EAPP: variants seen among roughly 807,000 people sequenced by gnomAD.
EAPP encodes E2F-associated phosphoprotein.
A neutral mutation model predicts 34.3 loss-of-function variants in EAPP; 38 were observed. The observed-to-expected ratio is 1.11, with a 90% CI of 0.85 to 1.45. EAPP has a LOEUF of 1.45. Ranked by LOEUF, EAPP falls within the 40% of genes most tolerant of loss-of-function variation. The pLI is 0.00. For synonymous variants in EAPP, 113 were observed against 117.6 expected, an observed-to-expected ratio of 0.96 and a Z score of 0.25; for missense variants, 338 against 343.7, an observed-to-expected ratio of 0.98 and a Z score of 0.13.
chr14:34,532,347 T>TACTCAAG, intron 3 of EAPP, among the ~76,000 whole-genome samples: 1 of 151,766 alleles, frequency 6.6e-6, no homozygotes, highest in Non-Finnish European at 1.5e-5. Context: ...TAAACCCAGC[T>TACTCAAG]ACTCAAGAGG....
intron 4 of EAPP, among the ~76,000 whole-genome samples, chr14:34,525,396 G>GTAGTATGTACTCTTGA (rs368261723): frequency 0.016 from 2,392 of 152,200 alleles, 65 homozygotes; most frequent in African/African-American, 0.054. Flanking sequence ...ACTCAGGTTG[G>GTAGTATGTACTCTTGA]TAGTATGTAC....
At position 34,537,604 on chromosome 14, in the gene EAPP, A is replaced by G. The variant is rs140744699; in HGVS notation, c.75-1329T>C. Among the ~76,000 whole-genome samples, 16 of 152,328 alleles carry G rather than the reference A, an allele frequency of 1.1e-4. No individual in the cohort carries two copies. The East Asian group carries it at 2.9e-3, about 27-fold the overall frequency. ...GAACAACAACCTTGAGGAATGAGAT[A>G]ATGTCTCCTTCCAGGACAAAGAGCA... On this transcript the variant is annotated intron_variant, in intron 1 of 5. Coordinates refer to ENST00000250454, the MANE Select transcript of EAPP (RefSeq NM_018453.4).
intron 3 of EAPP, among the ~76,000 whole-genome samples, chr14:34,531,399 G>A (rs796263929): frequency 2.6e-5 from 4 of 151,556 alleles, no homozygotes; most frequent in African/African-American, 4.9e-5. Flanking sequence ...TCAGGAGATC[G>A]AGACCATCCT....
At chr14:34,523,059 T>C (rs896991880) in intron 5 of EAPP, among the ~76,000 whole-genome samples, 4 of 152,088 alleles carry the variant, frequency 2.6e-5, no homozygotes, top group African/African-American at 9.7e-5. Context: ...AACAATTCTC[T>C]TACTGTCTGC....
rs33982261 is a variant in EAPP, at chr14:34,528,045, AT to A, written c.470+1312del. 1.3e-3 allele frequency among the ~76,000 whole-genome samples: 187 copies of A among 142,422 alleles called. 1 individual carries two copies. Among genetic ancestry groups the A allele is most frequent in the African/African-American group, 4.1e-3 (159 of 38,444 alleles). The allele number at this position is 142,422 out of a possible 152,430, so 93.4% of individuals were successfully genotyped here. ...GTGTACCTAGAGTAGCCTCATCTCA[AT>A]TTTTTTTTTTTTTTTGAGACAGTCT... On this transcript the variant is annotated intron_variant, in intron 4 of 5. Transcript: ENST00000250454.
chr14:34,526,607 C>T (rs138024333), intron 4 of EAPP, among the ~76,000 whole-genome samples: 1,531 of 148,406 alleles, frequency 0.01, 46 homozygotes, highest in Admixed American at 0.05. Context: ...AAGCATAAAC[C>T]GGGCATGGTG....
chr14:34,539,488 G>C, intron 1 of EAPP, 67 bp downstream of exon 1: 1 of 1,533,218 alleles, frequency 6.5e-7, no homozygotes, highest in Non-Finnish European at 8.9e-7. Flanking sequence ...CAGGCGCAAC[G>C]AATGGAGGCG....
intron 3 of EAPP, among the ~76,000 whole-genome samples, chr14:34,531,851 T>C (rs1282871159): frequency 1.3e-5 from 2 of 151,354 alleles, no homozygotes; most frequent in Non-Finnish European, 2.9e-5. Flanking sequence ...CCGAGGTGGG[T>C]GGATCACAAG....
chr14:34,531,524 C>A (rs1030383744), intron 3 of EAPP, among the ~76,000 whole-genome samples: 2 of 151,954 alleles, frequency 1.3e-5, no homozygotes, highest in Non-Finnish European at 2.9e-5. Flanking sequence ...ATGGTGTGAA[C>A]CCAGGAGGCA....
chr14:34,520,405 T>C (rs903593219), intron 5 of EAPP, among the ~76,000 whole-genome samples: 5 of 151,710 alleles, frequency 3.3e-5, no homozygotes, highest in Non-Finnish European at 7.4e-5. Flanking sequence ...AGACAGAGTT[T>C]CACCATGTTG....
At chr14:34,521,244 C>T (rs958987767) in intron 5 of EAPP, among the ~76,000 whole-genome samples, 3 of 150,920 alleles carry the variant, frequency 2.0e-5, no homozygotes, top group African/African-American at 7.3e-5. Context: ...AATTTGATTA[C>T]ATTTTTAGTA....
chr14:34,531,458 C>A (rs918068393), intron 3 of EAPP, among the ~76,000 whole-genome samples: 9 of 151,706 alleles, frequency 5.9e-5, no homozygotes, highest in Non-Finnish European at 1.5e-5. Context: ...AAAATTTAGC[C>A]GGGCGTGGTG....
intron 4 of EAPP, among the ~76,000 whole-genome samples, chr14:34,528,483 G>A (rs570502958): frequency 1.7e-4 from 22 of 130,548 alleles, no homozygotes; most frequent in Middle Eastern, 6.0e-3. Context: ...GTGGAGTGGC[G>A]TGATCTCAGC....
Position 34,536,113 on chromosome 14 carries a change from C to CT in EAPP, c.236dup (p.Leu80ValfsTer25), listed in dbSNP as rs761217728. 41 of 1,610,276 alleles carry CT rather than the reference C, an allele frequency of 2.5e-5. No individual in the cohort carries two copies. The highest frequency in any genetic ancestry group is 3.5e-5 in the Non-Finnish European group (41 of 1,178,928). On this transcript the variant is annotated frameshift_variant, in exon 2 of 6. Coordinates refer to ENST00000250454, the MANE Select transcript of EAPP (RefSeq NM_018453.4). LOFTEE classifies it high-confidence loss of function. ...GTTTACCAGTTCCCAGAGAGGATAACTTGTCCTCCATTGTTTTCATGGTAG... is the reference window on the plus strand; with the variant it reads ...GTTTACCAGTTCCCAGAGAGGATAACTTTGTCCTCCATTGTTTTCATGGTAG...
At chr14:34,530,603 G>C (rs1382671753) in intron 3 of EAPP, among the ~76,000 whole-genome samples, 1 of 151,820 alleles carries the variant, frequency 6.6e-6, no homozygotes, top group South Asian at 2.1e-4. Flanking sequence ...AATGACAGAG[G>C]AGGCAAAAAT....
chr14:34,525,833 C>T (rs1041666877), intron 4 of EAPP, among the ~76,000 whole-genome samples: 2 of 151,634 alleles, frequency 1.3e-5, no homozygotes, highest in African/African-American at 4.8e-5. Context: ...TCCTGGCCAA[C>T]ATGGTGAAAC....
chr14:34,517,824 G>A (rs972212690), intron 5 of EAPP, among the ~76,000 whole-genome samples: 4 of 150,872 alleles, frequency 2.7e-5, no homozygotes, highest in African/African-American at 9.7e-5. Flanking sequence ...ACCCAGGCTG[G>A]AGTGCAATGG....
At chr14:34,516,862 C>A (rs753159521) in intron 5 of EAPP, among the ~76,000 whole-genome samples, 1 of 152,074 alleles carries the variant, frequency 6.6e-6, no homozygotes, top group Non-Finnish European at 1.5e-5. Context: ...AGCCACTGCA[C>A]CAGGCAGAAG....
intron 1 of EAPP, 24 bp downstream of exon 1, chr14:34,539,531 G>A: frequency 6.2e-7 from 1 of 1,603,496 alleles, no homozygotes; most frequent in South Asian, 1.1e-5. Context: ...AATCCTCGGG[G>A]GCCAGGGTGG....
Sources: gnomAD v4.1 joint callset for allele counts (sites outside exome capture counted in the v4.1 genomes callset) on GRCh38, gnomAD v4.1.1 for gene constraint, MANE v1.5 for transcripts, NCBI Gene and HGNC (gene_info 2026-07-23, HGNC 2026-07-21) for gene names.